Variants in CREB5 observed in about 807,000 individuals in gnomAD.
The protein encoded by CREB5 is cAMP responsive element binding protein 5.
In CREB5, 19 loss-of-function variants were observed where a neutral mutation model predicts 57.1. The ratio of observed to expected loss-of-function variants is 0.33; its 90% CI spans 0.23 to 0.49. The LOEUF is 0.49. CREB5 is among the 20% of genes least tolerant of loss of function. CREB5 has a pLI of 0.99. For missense variants in CREB5, 579 were observed against 671.6 expected (o/e 0.86, Z 1.52); for synonymous variants, 238 against 238.3 (o/e 1.00, Z 0.01).
At chr7:28,734,377 A>G (rs1803856615) in intron 7 of CREB5, among the ~76,000 whole-genome samples, 1 of 152,148 alleles carries the variant, frequency 6.6e-6, no homozygotes, top group Non-Finnish European at 1.5e-5. Context: ...CTGTTCATAT[A>G]AGTAATACAT....
At chr7:28,585,794 G>A (rs562845178) in intron 5 of CREB5, among the ~76,000 whole-genome samples, 1 of 152,262 alleles carries the variant, frequency 6.6e-6, no homozygotes, top group African/African-American at 2.4e-5. Flanking sequence ...AAAGCAACTA[G>A]ACATATTCAT....
At chr7:28,564,976 T>C (rs1795422588) in intron 4 of CREB5, among the ~76,000 whole-genome samples, 1 of 152,216 alleles carries the variant, frequency 6.6e-6, no homozygotes, top group South Asian at 2.1e-4. Flanking sequence ...GAAGACCATG[T>C]GGTCCAGCCC....
intron 4 of CREB5, among the ~76,000 whole-genome samples, chr7:28,540,947 C>A (rs1794184494): frequency 6.6e-6 from 1 of 152,176 alleles, no homozygotes; most frequent in East Asian, 1.9e-4. Context: ...TGAAAACATA[C>A]CCACTGATAC....
intron 7 of CREB5, among the ~76,000 whole-genome samples, chr7:28,750,321 T>C (rs968562828): frequency 6.6e-6 from 1 of 152,204 alleles, no homozygotes; most frequent in African/African-American, 2.4e-5. Flanking sequence ...CTCATCATCC[T>C]TTGGCATTTA....
At chr7:28,507,777 T>G in intron 4 of CREB5, 40 bp downstream of exon 4, 4 of 1,561,732 alleles carry the variant, frequency 2.6e-6, no homozygotes, top group Non-Finnish European at 3.5e-6. Flanking sequence ...GGTGTCCTGC[T>G]AGAAACTTCC....
At chr7:28,462,502 G>GT (rs1056440949) in intron 1 of CREB5, among the ~76,000 whole-genome samples, 1 of 152,144 alleles carries the variant, frequency 6.6e-6, no homozygotes, top group Admixed American at 6.5e-5. Flanking sequence ...CTACAAAACT[G>GT]TTTTCTCAAG....
Position 28,306,546 on chromosome 7 carries a change from G to GTTTTT in CREB5, c.-25+7109_-25+7113dup, listed in dbSNP as rs796910262. Among the ~76,000 whole-genome samples the GTTTTT allele has an allele frequency of 1.2e-3, 113 of 93,506 alleles. 3 individuals are homozygous for GTTTTT. Among genetic ancestry groups the GTTTTT allele is most frequent in the Admixed American group, 1.9e-3 (14 of 7,314 alleles). 61.3% of individuals were successfully genotyped at this position (93,506 alleles called of 152,430 possible). ...TGCCAGTACATACAGATACAGTTTT[G>GTTTTT]TTTTTTTTGTTTTTTTTTTTTTTTT... On this transcript the variant is annotated intron_variant, in intron 1 of 9. Coordinates refer to the CREB5 transcript ENST00000396299.
chr7:28,417,610 G>A (rs1485045431), intron 1 of CREB5, among the ~76,000 whole-genome samples: 1 of 152,114 alleles, frequency 6.6e-6, no homozygotes, highest in Non-Finnish European at 1.5e-5. Flanking sequence ...GAAGGCCTGA[G>A]CCTCTGTATA....
chr7:28,603,279 C>T lies in CREB5; in HGVS notation c.464+32742C>T, dbSNP rs868157128. Among the ~76,000 whole-genome samples, 39 of 152,246 alleles carry T rather than the reference C, an allele frequency of 2.6e-4. No homozygotes were observed. The Middle Eastern group carries it at 0.01, about 40-fold the overall frequency. ...CCACTGCTACCAGATGAGTATTCAA[C>T]GGTAGAAAACTTTATGTATAATTGA... On this transcript the variant is annotated intron_variant, in intron 5 of 10. Coordinates refer to ENST00000357727, the MANE Select transcript of CREB5 (RefSeq NM_182898.4).
rs145555750 is a variant in CREB5 at position 28,583,639 on chromosome 7, G to A, written c.464+13102G>A. 3.4e-4 allele frequency among the ~76,000 whole-genome samples: 51 copies of A among 152,228 alleles called. No individual in the cohort carries two copies. In the East Asian group the frequency reaches 9.6e-3, roughly 29 times the overall value. On this transcript the variant is annotated intron_variant, in intron 5 of 10. Transcript: ENST00000357727. ...GAGGAGCAGAGAGGCAGCATTCATG[G>A]GCAGAGCCGCCTGTGCTTCAGCCTC... is the stretch of plus-strand genomic sequence containing the variant.
chr7:28,608,804 G>T, intron 5 of CREB5, among the ~76,000 whole-genome samples: 1 of 152,220 alleles, frequency 6.6e-6, no homozygotes, highest in Non-Finnish European at 1.5e-5. Context: ...AAAGGCTAAT[G>T]ATAGGGACTG....
chr7:28,734,590 T>C (rs1562604316), intron 7 of CREB5, among the ~76,000 whole-genome samples: 1 of 152,148 alleles, frequency 6.6e-6, no homozygotes, highest in Non-Finnish European at 1.5e-5. Context: ...CCTTTGATTA[T>C]AAAAATTAGA....
intron 1 of CREB5, among the ~76,000 whole-genome samples, chr7:28,364,749 T>C (rs1393821139): frequency 1.3e-5 from 2 of 152,252 alleles, no homozygotes. Context: ...TTTTCTCTTA[T>C]GCTCCTTATG....
intron 5 of CREB5, among the ~76,000 whole-genome samples, chr7:28,582,511 T>C (rs1015615581): frequency 1.9e-4 from 29 of 152,312 alleles, no homozygotes; most frequent in Non-Finnish European, 2.8e-4. Flanking sequence ...TTCAAGGTGT[T>C]TCCATGAAAA....
intron 5 of CREB5, among the ~76,000 whole-genome samples, chr7:28,703,889 C>G (rs1223528868): frequency 6.6e-6 from 1 of 152,220 alleles, no homozygotes; most frequent in Non-Finnish European, 1.5e-5. Context: ...GTCAAGTTGA[C>G]ATAAAACCTA....
At chr7:28,770,493 G>A (rs2128775875) in intron 7 of CREB5, among the ~76,000 whole-genome samples, 1 of 152,224 alleles carries the variant, frequency 6.6e-6, no homozygotes, top group South Asian at 2.1e-4. Context: ...TTTTTTATAT[G>A]AGTGGGTACA....
chr7:28,303,161 A>G lies in CREB5; in HGVS notation c.-25+3720A>G, dbSNP rs934231304. Among the ~76,000 whole-genome samples the G allele has an allele frequency of 1.0e-4, 15 of 150,470 alleles. 1 individual carries two copies. The highest frequency in any genetic ancestry group is 3.6e-4 in the African/African-American group (15 of 41,176). ...CCATCTCAAAAAAAAAAAAAAAAGA[A>G]TTAGTTATAGCTTATCTAATTCCAA... On this transcript the variant is annotated intron_variant, in intron 1 of 9. Transcript: ENST00000396299.
At chr7:28,437,187 T>G (rs1788997399) in intron 1 of CREB5, among the ~76,000 whole-genome samples, 1 of 152,188 alleles carries the variant, frequency 6.6e-6, no homozygotes, top group African/African-American at 2.4e-5. Flanking sequence ...AGAAAATAGA[T>G]AAGCCAATTA....
intron 1 of CREB5, among the ~76,000 whole-genome samples, chr7:28,325,593 C>G (rs559753236): frequency 8.5e-5 from 13 of 152,330 alleles, no homozygotes; most frequent in Non-Finnish European, 1.8e-4. Flanking sequence ...CCATCTATCT[C>G]ATATGATTCT....
Sources: gnomAD v4.1 joint callset for allele counts (sites outside exome capture counted in the v4.1 genomes callset) on GRCh38, gnomAD v4.1.1 for gene constraint, MANE v1.5 for transcripts, NCBI Gene and HGNC (gene_info 2026-07-23, HGNC 2026-07-21) for gene names.